RAB3B: variants seen among roughly 807,000 people sequenced by gnomAD.
RAB3B encodes the protein RAB3B, member RAS oncogene family.
RAB3B carries 11 observed loss-of-function variants against 20.5 expected under a neutral mutation model. The ratio of observed to expected loss-of-function variants is 0.54; its 90% CI spans 0.34 to 0.89. The LOEUF (loss-of-function observed/expected upper bound fraction) is 0.89, where lower values mean the gene tolerates loss of function less well. RAB3B is among the 40% of genes least tolerant of loss of function. The pLI, the probability that RAB3B is intolerant of heterozygous loss-of-function variation, is 0.02. For synonymous variants in RAB3B, 99 were observed against 106.3 expected, an observed-to-expected ratio of 0.93 and a Z score of 0.42; for missense variants, 225 against 280.9, an observed-to-expected ratio of 0.80 and a Z score of 1.42.
chr1:51,935,288 C>G (rs1266878647), intron 3 of RAB3B, among the ~76,000 whole-genome samples: 1 of 152,178 alleles, frequency 6.6e-6, no homozygotes, highest in African/African-American at 2.4e-5. Context: ...TGGTGAGAAG[C>G]CATTCCCTCA....
At chr1:51,969,911 A>C (rs1028534332) in intron 2 of RAB3B, among the ~76,000 whole-genome samples, 1 of 152,046 alleles carries the variant, frequency 6.6e-6, no homozygotes, top group Non-Finnish European at 1.5e-5. Context: ...CAAGAAATAC[A>C]AAATTTATTC....
chr1:51,968,342 C>T (rs1458364619), intron 2 of RAB3B, among the ~76,000 whole-genome samples: 1 of 152,076 alleles, frequency 6.6e-6, no homozygotes, highest in Non-Finnish European at 1.5e-5. Context: ...AGACAGCTAC[C>T]CAATCTCATA....
chr1:51,927,705 AG>A (rs778954877), intron 4 of RAB3B, among the ~76,000 whole-genome samples: 1 of 152,210 alleles, frequency 6.6e-6, no homozygotes, highest in Non-Finnish European at 1.5e-5. Context: ...CAGGAGACTG[AG>A]GCAGGAAGAT....
rs1683994420 is a variant in RAB3B at position 51,911,291 on chromosome 1, G to A, written c.*8636C>T. The A allele has an allele frequency of 6.6e-6, 1 of 152,206 alleles. No individual in the cohort carries two copies. Among genetic ancestry groups the A allele is most frequent in the South Asian group, 2.1e-4 (1 of 4,830 alleles). The allele number at this position is 152,206 out of a possible 1,614,324, so 9.4% of individuals were successfully genotyped here. On this transcript the variant is annotated 3_prime_UTR_variant, in exon 5 of 5. Transcript: ENST00000371655. ...CGTTCCTTCAGGTACAAGAAGAGAG[G>A]ATGGAGACGAGGGTAGGCTTCTTTT...
Position 51,912,300 on chromosome 1 carries a change from T to G in RAB3B, c.*7627A>C, listed in dbSNP as rs1571951108. The stretch of plus-strand genomic sequence containing the variant: ...GGTGCAGGCTACTTTGCCCAGTTAA[T>G]TTTTTGTATTTTTTGTAGAGACAGG... On this transcript the variant is annotated 3_prime_UTR_variant, in exon 5 of 5. Transcript: ENST00000371655. 6.6e-6 allele frequency: 1 copy of G among 150,560 alleles called. No homozygotes were observed. Among genetic ancestry groups the G allele is most frequent in the East Asian group, 1.9e-4 (1 of 5,150 alleles). 9.3% of individuals were successfully genotyped at this position (150,560 alleles called of 1,614,324 possible). A position where few individuals can be genotyped will look rare whatever the true frequency, so the allele number is the denominator to read the frequency against.
At chr1:51,929,110 T>C (rs114838550) in intron 4 of RAB3B, among the ~76,000 whole-genome samples, 1 of 152,260 alleles carries the variant, frequency 6.6e-6, no homozygotes, top group Non-Finnish European at 1.5e-5. Flanking sequence ...TGACCAATCA[T>C]AGTATTCTCT....
chr1:51,971,705 A>G lies in RAB3B; in HGVS notation c.228+5185T>C, dbSNP rs986090535. ...CCTCAGCCTCCCAAAGTGCCGGATT[A>G]CAGGCGTGGGCCACTGCACCCAGAC... On this transcript the variant is annotated intron_variant, in intron 2 of 4. Coordinates refer to ENST00000371655, the MANE Select transcript of RAB3B (RefSeq NM_002867.4). Among the ~76,000 whole-genome samples the G allele has an allele frequency of 5.3e-5, 8 of 152,250 alleles. No individual in the cohort carries two copies. In the South Asian group the frequency reaches 1.0e-3, roughly 20 times the overall value.
chr1:51,933,520 T>G, intron 3 of RAB3B, 78 bp from the exon 4 acceptor site: 1 of 1,376,468 alleles, frequency 7.3e-7, no homozygotes, highest in South Asian at 1.3e-5. Flanking sequence ...CAAATTTACA[T>G]GTTGAAGCCT....
chr1:51,926,617 G>A (rs61780722), intron 4 of RAB3B, among the ~76,000 whole-genome samples: 5,094 of 152,280 alleles, frequency 0.033, 119 homozygotes, highest in Middle Eastern at 0.12. Context: ...GACTCAGGCT[G>A]TGTGTTACCA....
intron 1 of RAB3B, among the ~76,000 whole-genome samples, chr1:51,987,673 G>C (rs1438957918): frequency 6.6e-6 from 1 of 151,954 alleles, no homozygotes; most frequent in African/African-American, 2.4e-5. Context: ...AGTGTTGTTG[G>C]GAAAATTATA....
intron 1 of RAB3B, among the ~76,000 whole-genome samples, chr1:51,985,882 A>G: frequency 6.6e-6 from 1 of 152,046 alleles, no homozygotes; most frequent in East Asian, 1.9e-4. Flanking sequence ...GGCTCTGCAA[A>G]GACAAGTGAT....
intron 2 of RAB3B, among the ~76,000 whole-genome samples, chr1:51,958,302 C>T (rs1684737196): frequency 6.6e-6 from 1 of 152,192 alleles, no homozygotes; most frequent in Non-Finnish European, 1.5e-5. Flanking sequence ...CCCTCTGGGC[C>T]TCAGTTTCCT....
intron 1 of RAB3B, among the ~76,000 whole-genome samples, chr1:51,989,208 T>TTGTGTGTC (rs1553232395): frequency 4.1e-4 from 41 of 99,870 alleles, no homozygotes; most frequent in African/African-American, 1.8e-3. Flanking sequence ...CCATCTTGTT[T>TTGTGTGTC]TGTGTGTGTG....
chr1:51,970,911 T>C (rs1010883976), intron 2 of RAB3B, among the ~76,000 whole-genome samples: 1 of 147,646 alleles, frequency 6.8e-6, no homozygotes, highest in African/African-American at 2.5e-5. Context: ...CTCGGGAGAC[T>C]GAGGCAGGAG....
At position 51,953,623 on chromosome 1, in the gene RAB3B, C is replaced by T. The variant is rs114025891; in HGVS notation, c.229-16211G>A. 3.9e-3 allele frequency among the ~76,000 whole-genome samples: 591 copies of T among 152,228 alleles called. 2 individuals are homozygous for T. The highest frequency in any genetic ancestry group is 0.013 in the African/African-American group (536 of 41,544). On this transcript the variant is annotated intron_variant, in intron 2 of 4. Transcript: ENST00000371655. ...GTTCGAGACCAGCCTGACCAACATA[C>T]TAACACGTCTCTACTAAAAATACAA...
intron 1 of RAB3B, among the ~76,000 whole-genome samples, chr1:51,986,599 T>G (rs1181734954): frequency 6.6e-6 from 1 of 151,994 alleles, no homozygotes; most frequent in Non-Finnish European, 1.5e-5. Flanking sequence ...GGTGACAGAG[T>G]GAGACCCTAT....
At chr1:51,933,545 T>C in intron 3 of RAB3B, 103 bp from the exon 4 acceptor site, 1 of 1,154,328 alleles carries the variant, frequency 8.7e-7, no homozygotes, top group Non-Finnish European at 1.2e-6. Context: ...CCCAATGTAA[T>C]GGTATTTGGA....
rs930188448 is a variant in RAB3B at position 51,909,396 on chromosome 1, T to C, written c.*10531A>G. The C allele has an allele frequency of 4.6e-5, 7 of 152,172 alleles. No individual in the cohort carries two copies. The highest frequency in any genetic ancestry group is 1.3e-4 in the Admixed American group (2 of 15,264). The allele number at this position is 152,172 out of a possible 1,614,324, so 9.4% of individuals were successfully genotyped here. ...TAACTATTTTGTGAAGTAGGGAAGA[T>C]TGTCAGCCTCATTAGGTGAAAATAT... is the stretch of plus-strand genomic sequence containing the variant. On this transcript the variant is annotated 3_prime_UTR_variant, in exon 5 of 5. Transcript: ENST00000371655.
intron 4 of RAB3B, among the ~76,000 whole-genome samples, chr1:51,920,814 T>A (rs1047290623): frequency 3.9e-5 from 6 of 152,230 alleles, no homozygotes; most frequent in Admixed American, 3.3e-4. Flanking sequence ...CACCTCAAGA[T>A]TCACACTGAA....
Sources: allele counts gnomAD v4.1 joint callset (sites outside exome capture counted in the v4.1 genomes callset), GRCh38; gene constraint gnomAD v4.1.1; transcripts MANE v1.5; gene names NCBI Gene and HGNC (gene_info 2026-07-23, HGNC 2026-07-21).